Variants in ZSCAN2 observed in about 807,000 individuals in gnomAD.
ZSCAN2 encodes the protein zinc finger and SCAN domain-containing protein 2.
ZSCAN2 carries 26 observed loss-of-function variants against 47.8 expected under a neutral mutation model. The ratio of observed to expected loss-of-function variants is 0.54; its 90% CI spans 0.40 to 0.75. ZSCAN2 has a LOEUF of 0.75. ZSCAN2 is among the 30% of genes least tolerant of loss of function. The pLI, the probability that ZSCAN2 is intolerant of heterozygous loss-of-function variation, is 0.00. For synonymous variants in ZSCAN2, 305 were observed against 288.7 expected, an observed-to-expected ratio of 1.06 and a Z score of -0.57; for missense variants, 732 against 785.4, an observed-to-expected ratio of 0.93 and a Z score of 0.81.
Position 84,604,168 on chromosome 15 carries a change from C to T in ZSCAN2, c.241C>T (p.Arg81Ter), listed in dbSNP as rs750842984. The T allele has an allele frequency of 1.9e-6, 3 of 1,613,516 alleles. No homozygotes were observed. Among genetic ancestry groups the T allele is most frequent in the Non-Finnish European group, 1.7e-6 (2 of 1,179,858 alleles). Residue 81 changes from arginine to a stop codon, truncating the protein, a stop_gained, in exon 2 of 3, where the codon CGA becomes TGA. Coordinates refer to ENST00000546148, the MANE Select transcript of ZSCAN2 (RefSeq NM_181877.4). LOFTEE classifies it high-confidence loss of function. ...ACCACAGGGTGCACTCGGCCGCCTC[C>T]GAGAGCTCTGCCGGCGCTGGCTGAG... ...RGPQGALGRL[R>*]ELCRRWLRPE...
At chr15:84,611,930 T>G (rs1895561730) in intron 2 of ZSCAN2, 1 of 152,236 alleles carries the variant, frequency 6.6e-6, no homozygotes, top group South Asian at 2.1e-4. Context: ...TTTTTTTTAA[T>G]TCCCAGCTGC....
chr15:84,620,955 G>T lies in ZSCAN2; in HGVS notation c.760G>T (p.Glu254Ter). Residue 254 changes from glutamate to a stop codon, truncating the protein, a stop_gained, in exon 3 of 3, where the codon GAA (glutamate) becomes TAA (stop). Transcript: ENST00000546148. LOFTEE classifies it high-confidence loss of function. ...AGGAGAGAAATACTACAAATGTGAT[G>T]AATGTGGAAAAAGCTTTAGTGATGG... The part of the protein sequence containing the change: ...HTGEKYYKCD[E>*]CGKSFSDGSN... The T allele has an allele frequency of 6.2e-7, 1 of 1,614,074 alleles. No homozygotes were observed. The highest frequency in any genetic ancestry group is 8.5e-7 in the Non-Finnish European group (1 of 1,180,016).
intron 2 of ZSCAN2, among the ~76,000 whole-genome samples, chr15:84,612,827 T>C (rs1394096855): frequency 1.3e-5 from 2 of 152,206 alleles, no homozygotes; most frequent in African/African-American, 4.8e-5. Flanking sequence ...TTGATTGTCT[T>C]GTATGTAATA....
Position 84,603,903 on chromosome 15 carries a change from C to G in ZSCAN2, c.-25C>G, listed in dbSNP as rs555519185. 1.3e-6 allele frequency: 2 copies of G among 1,597,620 alleles called. No homozygotes were observed. Among genetic ancestry groups the G allele is most frequent in the East Asian group, 2.2e-5 (1 of 44,638 alleles). On this transcript the variant is annotated 5_prime_UTR_variant, in exon 2 of 3. Coordinates refer to ENST00000546148, the MANE Select transcript of ZSCAN2 (RefSeq NM_181877.4). Reference sequence around the variant, plus strand: ...AAGACTGAGGTCCAAGGCTTGAAGCCTAAGTGATTGCCCCAGGACTGTGGA... The same window carrying G: ...AAGACTGAGGTCCAAGGCTTGAAGCGTAAGTGATTGCCCCAGGACTGTGGA...
chr15:84,621,200 G>T lies in ZSCAN2; in HGVS notation c.1005G>T (p.Ser335=). ...CCCACACAGGAGAGAAACCCTACTC[G>T]TGCCCCGAGTGTGGAAAGAGCTTTG... The part of the protein sequence containing the change: ...QRTHTGEKPY[S]CPECGKSFGN... Residue 335 remains serine (S), a synonymous_variant, in exon 3 of 3, where the codon TCG becomes TCT. Transcript: ENST00000546148. This position sits in a 1 kb window ranked among gnomAD's most constrained non-coding sequence, Gnocchi z 5.7. 1 of 1,613,858 alleles carries T rather than the reference G, an allele frequency of 6.2e-7. No individual in the cohort carries two copies. The highest frequency in any genetic ancestry group is 1.1e-5 in the South Asian group (1 of 91,068).
At chr15:84,610,767 G>A (rs909563813) in intron 2 of ZSCAN2, among the ~76,000 whole-genome samples, 12 of 152,012 alleles carry the variant, frequency 7.9e-5, no homozygotes, top group African/African-American at 1.9e-4. Flanking sequence ...GATTACAGGC[G>A]TGAGCCACTG....
chr15:84,603,724 G>A (rs1463573207), intron 1 of ZSCAN2, 96 bp from the exon 2 acceptor site: 2 of 552,188 alleles, frequency 3.6e-6, no homozygotes, highest in Non-Finnish European at 6.3e-6. Flanking sequence ...GTTTGCATAT[G>A]TAAGGGCCAC....
rs1895263355 is a variant in ZSCAN2 at position 84,603,198 on chromosome 15, T to G, written c.-108-622T>G. ...TTATCTTTATTAGGTGGTCACCGAG[T>G]TTGGTGACTAAGTTGTATGTTAGGT... On this transcript the variant is annotated intron_variant, in intron 1 of 2. Coordinates refer to ENST00000546148, the MANE Select transcript of ZSCAN2 (RefSeq NM_181877.4). 3.3e-5 allele frequency among the ~76,000 whole-genome samples: 5 copies of G among 151,888 alleles called. No homozygotes were observed. The South Asian group carries it at 1.0e-3, about 32-fold the overall frequency.
chr15:84,611,076 G>A (rs911066456), intron 2 of ZSCAN2, among the ~76,000 whole-genome samples: 2 of 150,626 alleles, frequency 1.3e-5, no homozygotes, highest in South Asian at 2.1e-4. Context: ...GGTGGATCAC[G>A]AGGTCAGGAG....
In ZSCAN2 at chr15:84,620,777, G is replaced by A; in HGVS notation, c.582G>A (p.Glu194=). The A allele has an allele frequency of 1.2e-6, 2 of 1,614,196 alleles. No homozygotes were observed. Among genetic ancestry groups the A allele is most frequent in the South Asian group, 1.1e-5 (1 of 91,078 alleles). The change falls in exon 3 of 3, where the codon GAG becomes GAA. Residue 194 remains glutamate, a synonymous_variant. Transcript: ENST00000546148. ...GGCTCCAGGGACACAGCCCAGGTGA[G>A]GACCACGGGGAGGTGGTTTCTCAGG... ...IQRLQGHSPG[E]DHGEVVSQDR...
At chr15:84,609,323 G>GAT (rs1479473318) in intron 2 of ZSCAN2, among the ~76,000 whole-genome samples, 2 of 150,456 alleles carry the variant, frequency 1.3e-5, no homozygotes, top group East Asian at 1.9e-4. Flanking sequence ...TATCTCATAT[G>GAT]ATATATATAT....
rs778474316 is a variant in ZSCAN2, at chr15:84,621,744, C to T, written c.1549C>T (p.Leu517Phe). ...CGKCFSQRSQ[L>F]VVHQRTHTGE... Reference sequence around the variant, plus strand: ...GAAATGCTTCAGCCAGCGCTCCCAGCTCGTAGTGCACCAGCGGACCCACAC... The same window carrying T: ...GAAATGCTTCAGCCAGCGCTCCCAGTTCGTAGTGCACCAGCGGACCCACAC... The change falls in exon 3 of 3, where the codon CTC (leucine) becomes TTC (phenylalanine). Residue 517 changes from leucine to phenylalanine, a missense_variant. Physicochemically the swap from Leu to Phe is conservative, Grantham distance 22 (BLOSUM62 0). Transcript: ENST00000546148. The surrounding 1 kb of genome is among the most constrained non-coding windows in gnomAD (Gnocchi z 5.7). 2 of 1,614,214 alleles carry T rather than the reference C, an allele frequency of 1.2e-6. No individual in the cohort carries two copies. The highest frequency in any genetic ancestry group is 1.7e-6 in the Non-Finnish European group (2 of 1,180,032).
Position 84,622,556 on chromosome 15 carries a change from G to A in ZSCAN2, c.*516G>A. On this transcript the variant is annotated 3_prime_UTR_variant, in exon 3 of 3. Coordinates refer to ENST00000546148, the MANE Select transcript of ZSCAN2 (RefSeq NM_181877.4). ...GTTAGAATCTGCTCTTCTGGCTTTG[G>A]TGTCTTGGGCTTTGATTTCAGGTCA... The A allele has an allele frequency of 1.4e-6, 1 of 712,394 alleles. No individual in the cohort carries two copies. Among genetic ancestry groups the A allele is most frequent in the Non-Finnish European group, 2.6e-6 (1 of 382,548 alleles). 44.1% of individuals were successfully genotyped at this position (712,394 alleles called of 1,614,324 possible). A position where few individuals can be genotyped will look rare whatever the true frequency, so the allele number is the denominator to read the frequency against.
At position 84,604,096 on chromosome 15, in the gene ZSCAN2, C is replaced by A. The variant is rs752178676; in HGVS notation, c.169C>A (p.Pro57Thr). ...GGATGGCCCTGAGTCTGAGCCCTTTCCCCAGAGTGCTGGCAAGGGCGGCCC... is the reference window on the plus strand; with the variant it reads ...GGATGGCCCTGAGTCTGAGCCCTTTACCCAGAGTGCTGGCAAGGGCGGCCC... ...QEDGPESEPF[P>T]QSAGKGGPQE... Residue 57 changes from proline to threonine, a missense_variant, in exon 2 of 3, where the codon CCC becomes ACC. By Grantham distance (38) the Pro-to-Thr change is conservative. This residue lies in a region of ZSCAN2 where 320 missense variants were observed against 287.4 expected (regional missense o/e 1.11). Coordinates refer to ENST00000546148, the MANE Select transcript of ZSCAN2 (RefSeq NM_181877.4). 21 of 1,614,030 alleles carry A rather than the reference C, an allele frequency of 1.3e-5. No homozygotes were observed. The African/African-American group carries it at 2.3e-4, about 17-fold the overall frequency.
chr15:84,622,504 A>G lies in ZSCAN2; in HGVS notation c.*464A>G, dbSNP rs1197725569. On this transcript the variant is annotated 3_prime_UTR_variant, in exon 3 of 3. Coordinates refer to ENST00000546148, the MANE Select transcript of ZSCAN2 (RefSeq NM_181877.4). ...TAAGGTGCCTTCACCCCAAGCTGTT[A>G]GTGTTCCAGGGCACCCCAAGCTGTC... The G allele has an allele frequency of 3.0e-6, 2 of 657,018 alleles. No individual in the cohort carries two copies. The highest frequency in any genetic ancestry group is 5.6e-6 in the Non-Finnish European group (2 of 357,070). 40.7% of individuals were successfully genotyped at this position (657,018 alleles called of 1,614,324 possible). A position where few individuals can be genotyped will look rare whatever the true frequency, so the allele number is the denominator to read the frequency against.
At position 84,622,224 on chromosome 15, in the gene ZSCAN2, A is replaced by T. The variant is rs542117795; in HGVS notation, c.*184A>T. The stretch of plus-strand genomic sequence containing the variant: ...TAGTGGTCTGAGTCAAGTCCCGTAT[A>T]CATTCAAGAACAGGGCATAGGCGTG... On this transcript the variant is annotated 3_prime_UTR_variant, in exon 3 of 3. Transcript: ENST00000546148. 3 of 626,278 alleles carry T rather than the reference A, an allele frequency of 4.8e-6. No homozygotes were observed. The highest frequency in any genetic ancestry group is 5.6e-5 in the East Asian group (2 of 35,952). 38.8% of individuals were successfully genotyped at this position (626,278 alleles called of 1,614,324 possible). A position where few individuals can be genotyped will look rare whatever the true frequency, so the allele number is the denominator to read the frequency against.
chr15:84,607,920 A>G (rs1895430131), intron 2 of ZSCAN2, among the ~76,000 whole-genome samples: 1 of 151,822 alleles, frequency 6.6e-6, no homozygotes, highest in South Asian at 2.1e-4. Flanking sequence ...CTGCTCTTAA[A>G]CCCTGTCCCT....
chr15:84,611,998 C>T (rs1184084180), intron 2 of ZSCAN2: 2 of 152,230 alleles, frequency 1.3e-5, no homozygotes, highest in African/African-American at 4.8e-5. Flanking sequence ...TTGTATCTGA[C>T]CAAAACCAGT....
rs138899257 is a variant in ZSCAN2, at chr15:84,604,268, G to A, written c.341G>A (p.Arg114Gln). The change falls in exon 2 of 3, where the codon CGG (arginine) becomes CAG (glutamine). Residue 114 changes from arginine (R) to glutamine (Q), a missense_variant. Arg to Gln is a conservative substitution (Grantham distance 43). Around this residue, in one of 2 missense-constraint regions of ZSCAN2, gnomAD observed 320 missense variants for 287.4 expected, o/e 1.11. Transcript: ENST00000546148. ...KEIQAWLQEH[R>Q]PESSEEAAAL... ...ATTCAGGCTTGGCTGCAAGAGCATCGGCCTGAAAGCAGTGAGGAGGCAGCG... is the reference window on the plus strand; with the variant it reads ...ATTCAGGCTTGGCTGCAAGAGCATCAGCCTGAAAGCAGTGAGGAGGCAGCG... 4.6e-4 allele frequency: 750 copies of A among 1,613,998 alleles called. No homozygotes were observed. The highest frequency in any genetic ancestry group is 5.9e-4 in the Non-Finnish European group (694 of 1,180,014).
Sources: allele counts gnomAD v4.1 joint callset (sites outside exome capture counted in the v4.1 genomes callset), GRCh38; gene constraint gnomAD v4.1.1; regional missense constraint gnomAD v4.1.1; non-coding constraint Gnocchi (gnomAD v3.1); transcripts MANE v1.5; gene names NCBI Gene and HGNC (gene_info 2026-07-23, HGNC 2026-07-21).